Variants in PDSS2 observed in about 807,000 individuals in gnomAD.
The protein encoded by PDSS2 is all trans-polyprenyl-diphosphate synthase PDSS2.
Under a neutral mutation model 44.5 loss-of-function variants are expected in PDSS2, and 31 were observed. The observed-to-expected ratio is 0.70, with a 90% CI of 0.52 to 0.94. The LOEUF (loss-of-function observed/expected upper bound fraction) is 0.94, where lower values mean the gene tolerates loss of function less well. Ranked by LOEUF, PDSS2 falls within the 40% of genes least tolerant of loss-of-function variation. The pLI is 0.00. For missense variants in PDSS2, 452 were observed against 482.2 expected (o/e 0.94, Z 0.59); for synonymous variants, 157 against 180.3 (o/e 0.87, Z 1.03).
intron 2 of PDSS2, among the ~76,000 whole-genome samples, chr6:107,322,613 G>A (rs779100019): frequency 6.6e-6 from 1 of 152,160 alleles, no homozygotes; most frequent in African/African-American, 2.4e-5. Flanking sequence ...GGAGAGCCAG[G>A]TGGGTGGCTC....
chr6:107,356,695 T>C (rs932495024), intron 1 of PDSS2, among the ~76,000 whole-genome samples: 3 of 152,218 alleles, frequency 2.0e-5, no homozygotes, highest in African/African-American at 7.2e-5. Context: ...ATTTGCTTGA[T>C]ATGAAATAGT....
intron 1 of PDSS2, among the ~76,000 whole-genome samples, chr6:107,452,749 C>T (rs944340091): frequency 6.6e-6 from 1 of 152,020 alleles, no homozygotes; most frequent in Non-Finnish European, 1.5e-5. Context: ...TCACTGCAAC[C>T]TCCGCCTCCC....
chr6:107,392,658 T>G (rs948280504), intron 1 of PDSS2, among the ~76,000 whole-genome samples: 1 of 152,220 alleles, frequency 6.6e-6, no homozygotes, highest in Admixed American at 6.5e-5. Context: ...TACTGTCTTC[T>G]AACCGGTAGG....
At chr6:107,185,828 A>T (rs1181626373) in intron 7 of PDSS2, among the ~76,000 whole-genome samples, 1 of 152,192 alleles carries the variant, frequency 6.6e-6, no homozygotes, top group Non-Finnish European at 1.5e-5. Flanking sequence ...CCTAACCTTG[A>T]GGCCAGAAGC....
At chr6:107,285,156 T>G (rs184695531) in intron 2 of PDSS2, among the ~76,000 whole-genome samples, 119 of 152,336 alleles carry the variant, frequency 7.8e-4, no homozygotes, top group African/African-American at 2.8e-3. Flanking sequence ...AATATTAAAA[T>G]GATAGGCAAG....
intron 4 of PDSS2, among the ~76,000 whole-genome samples, chr6:107,217,922 A>G (rs1292204692): frequency 6.6e-6 from 1 of 152,172 alleles, no homozygotes. Context: ...CTATAATCTC[A>G]AATCAGTTTT....
At chr6:107,224,348 A>C (rs1472628334) in intron 4 of PDSS2, among the ~76,000 whole-genome samples, 1 of 151,416 alleles carries the variant, frequency 6.6e-6, no homozygotes, top group African/African-American at 2.5e-5. Context: ...ATTCTAGCCT[A>C]AGAGATATGA....
At chr6:107,429,611 G>A (rs1224161007) in intron 1 of PDSS2, among the ~76,000 whole-genome samples, 4 of 151,804 alleles carry the variant, frequency 2.6e-5, no homozygotes, top group Admixed American at 1.3e-4. Context: ...TAGGGTGGGC[G>A]CGGTGGCTCA....
chr6:107,352,855 T>G (rs1174419784), intron 1 of PDSS2, among the ~76,000 whole-genome samples: 1 of 152,188 alleles, frequency 6.6e-6, no homozygotes, highest in African/African-American at 2.4e-5. Context: ...ATAACATACC[T>G]GATAGGCCTC....
intron 4 of PDSS2, among the ~76,000 whole-genome samples, chr6:107,243,131 T>C (rs927198815): frequency 6.6e-6 from 1 of 152,152 alleles, no homozygotes; most frequent in African/African-American, 2.4e-5. Flanking sequence ...TTAAAAATAT[T>C]AGAAAAAGCA....
intron 1 of PDSS2, among the ~76,000 whole-genome samples, chr6:107,337,765 CTA>C (rs1308458125): frequency 6.6e-6 from 1 of 152,114 alleles, no homozygotes; most frequent in Non-Finnish European, 1.5e-5. Context: ...ATATAATCTC[CTA>C]TGTTATTTAG....
chr6:107,379,065 G>A (rs961482164), intron 1 of PDSS2, among the ~76,000 whole-genome samples: 1 of 152,150 alleles, frequency 6.6e-6, no homozygotes, highest in East Asian at 1.9e-4. Context: ...AAGGAGTCCC[G>A]GGGAAGTTAT....
intron 1 of PDSS2, among the ~76,000 whole-genome samples, chr6:107,381,222 C>G (rs535046231): frequency 6.6e-6 from 1 of 152,298 alleles, no homozygotes; most frequent in South Asian, 2.1e-4. Flanking sequence ...TTTCTCGACT[C>G]TAACCTCCAT....
In PDSS2 at chr6:107,212,147, C is replaced by T. The variant is rs1183329109; in HGVS notation, c.838G>A (p.Ala280Thr). 6.2e-7 allele frequency: 1 copy of T among 1,613,970 alleles called. No homozygotes were observed. The highest frequency in any genetic ancestry group is 2.2e-5 in the East Asian group (1 of 44,880). ...AKHDAEVQNM[A>T]FQYGKHMAMS... ...GCCATGTGCTTCCCATACTGAAATGCCATATTCTGAACCTCAGCATCATGC... is the reference window on the plus strand; with the variant it reads ...GCCATGTGCTTCCCATACTGAAATGTCATATTCTGAACCTCAGCATCATGC... Residue 280 changes from alanine to threonine, a missense_variant, in exon 5 of 8, where the codon GCA becomes ACA. Transcript: ENST00000369037.
At chr6:107,365,055 C>A (rs1403814769) in intron 1 of PDSS2, among the ~76,000 whole-genome samples, 5 of 151,892 alleles carry the variant, frequency 3.3e-5, no homozygotes, top group Non-Finnish European at 7.4e-5. Context: ...TAATCTGAAT[C>A]TACATGAAGA....
chr6:107,404,865 G>T (rs184953926), intron 1 of PDSS2, among the ~76,000 whole-genome samples: 2 of 152,250 alleles, frequency 1.3e-5, no homozygotes, highest in East Asian at 3.9e-4. Context: ...CCTTTTTAAA[G>T]AAATAATTCA....
intron 1 of PDSS2, among the ~76,000 whole-genome samples, chr6:107,451,266 T>C (rs1350717461): frequency 6.6e-6 from 1 of 152,246 alleles, no homozygotes; most frequent in African/African-American, 2.4e-5. Context: ...TTTTTTATTT[T>C]AGCCATTCTA....
At chr6:107,331,004 T>C (rs1183734310) in intron 2 of PDSS2, among the ~76,000 whole-genome samples, 2 of 152,140 alleles carry the variant, frequency 1.3e-5, no homozygotes, top group Non-Finnish European at 2.9e-5. Flanking sequence ...TTCAGGTAAT[T>C]TACTCAGGTC....
At chr6:107,281,082 G>T (rs1458058313) in intron 2 of PDSS2, among the ~76,000 whole-genome samples, 2 of 152,142 alleles carry the variant, frequency 1.3e-5, no homozygotes, top group Non-Finnish European at 1.5e-5. Flanking sequence ...GATTCAGTTG[G>T]TGTATACCTT....
Sources: allele counts gnomAD v4.1 joint callset (sites outside exome capture counted in the v4.1 genomes callset), GRCh38; gene constraint gnomAD v4.1.1; transcripts MANE v1.5; gene names NCBI Gene and HGNC (gene_info 2026-07-23, HGNC 2026-07-21).